PTPRO: variants seen among roughly 807,000 people sequenced by gnomAD.
PTPRO encodes the protein receptor-type tyrosine-protein phosphatase O.
PTPRO carries 62 observed loss-of-function variants against 145.2 expected under a neutral mutation model. That is an observed-to-expected ratio of 0.43 (90% confidence interval 0.35 to 0.53). The LOEUF (loss-of-function observed/expected upper bound fraction) is 0.53. PTPRO is among the 20% of genes least tolerant of loss of function. PTPRO has a pLI of 0.01. For synonymous variants in PTPRO, 565 were observed against 514.7 expected (o/e 1.10, Z -1.32); for missense variants, 1,345 against 1,482.7 (o/e 0.91, Z 1.53).
At chr12:15,401,193 T>G (rs1268853292) in intron 1 of PTPRO, among the ~76,000 whole-genome samples, 1 of 152,180 alleles carries the variant, frequency 6.6e-6, no homozygotes, top group African/African-American at 2.4e-5. Context: ...ATTCAGAGAT[T>G]TAACCAGTAG....
intron 1 of PTPRO, among the ~76,000 whole-genome samples, chr12:15,381,509 C>G (rs1337645787): frequency 6.6e-6 from 1 of 152,156 alleles, no homozygotes; most frequent in Admixed American, 6.5e-5. Context: ...AGCTATGTAT[C>G]AGTTCCTACT....
intron 12 of PTPRO, among the ~76,000 whole-genome samples, chr12:15,541,829 T>C (rs911545156): frequency 2.0e-5 from 3 of 152,224 alleles, no homozygotes; most frequent in African/African-American, 7.2e-5. Flanking sequence ...CTGGCCAACA[T>C]GGTGAAACCC....
intron 1 of PTPRO, among the ~76,000 whole-genome samples, chr12:15,366,005 A>G (rs759372916): frequency 8.5e-5 from 13 of 152,210 alleles, no homozygotes; most frequent in African/African-American, 1.4e-4. Flanking sequence ...TATCACAATT[A>G]GGTACATCAG....
At chr12:15,593,267 GT>G (rs1944590458) in intron 25 of PTPRO, among the ~76,000 whole-genome samples, 1 of 152,256 alleles carries the variant, frequency 6.6e-6, no homozygotes, top group South Asian at 2.1e-4. Context: ...TATTAATTTT[GT>G]TTTTTGTATG....
chr12:15,363,124 G>A (rs912364143), intron 1 of PTPRO, among the ~76,000 whole-genome samples: 2 of 152,110 alleles, frequency 1.3e-5, no homozygotes, highest in Admixed American at 6.6e-5. Flanking sequence ...GTCTAGGGAG[G>A]AAAATTGGCA....
At chr12:15,466,874 A>G (rs1176208114) in intron 1 of PTPRO, among the ~76,000 whole-genome samples, 1 of 152,208 alleles carries the variant, frequency 6.6e-6, no homozygotes, top group Admixed American at 6.5e-5. Context: ...ATTGAAAAAG[A>G]ATAAGGAATC....
intron 6 of PTPRO, among the ~76,000 whole-genome samples, chr12:15,506,225 C>T (rs1377257814): frequency 2.6e-5 from 4 of 152,196 alleles, no homozygotes; most frequent in African/African-American, 9.7e-5. Flanking sequence ...TAACACTTCA[C>T]GTTTATGTAG....
rs370423587 is a variant in PTPRO at position 15,360,953 on chromosome 12, TAC to T, written c.75+38160_75+38161del. On this transcript the variant is annotated intron_variant, in intron 1 of 26. Coordinates refer to ENST00000281171, the MANE Select transcript of PTPRO (RefSeq NM_030667.3). ...ACACACATATATACACACGTGTATATACACACACATATATACACACGTATATA... is the reference window on the plus strand; with the variant it reads ...ACACACATATATACACACGTGTATATACACACATATATACACACGTATATA... 1.1e-4 allele frequency among the ~76,000 whole-genome samples: 16 copies of T among 147,886 alleles called. 1 individual carries two copies. The highest frequency in any genetic ancestry group is 1.1e-3 in the Admixed American group (16 of 14,816).
intron 1 of PTPRO, among the ~76,000 whole-genome samples, chr12:15,413,263 T>G (rs1276313884): frequency 1.3e-5 from 2 of 151,932 alleles, no homozygotes; most frequent in Admixed American, 6.6e-5. Context: ...GCTAATTTTT[T>G]TGTGTGTATT....
At chr12:15,385,513 G>A (rs1230611092) in intron 1 of PTPRO, among the ~76,000 whole-genome samples, 1 of 152,044 alleles carries the variant, frequency 6.6e-6, no homozygotes. Flanking sequence ...CAGTGATAAA[G>A]AGTATAGAAG....
intron 1 of PTPRO, among the ~76,000 whole-genome samples, chr12:15,426,999 C>T (rs1940304116): frequency 6.6e-6 from 1 of 151,980 alleles, no homozygotes; most frequent in Non-Finnish European, 1.5e-5. Context: ...TTTTCAATTA[C>T]TTCTTTGACA....
chr12:15,440,362 C>A, intron 1 of PTPRO: 1 of 397,262 alleles, frequency 2.5e-6, no homozygotes, highest in Non-Finnish European at 4.6e-6. Flanking sequence ...ACACCAGAGT[C>A]TCCATGCAGA....
intron 6 of PTPRO, among the ~76,000 whole-genome samples, chr12:15,505,810 G>C (rs1268453610): frequency 6.6e-6 from 1 of 152,202 alleles, no homozygotes; most frequent in Non-Finnish European, 1.5e-5. Flanking sequence ...ATATTCTGGT[G>C]TTGAGCTGTT....
intron 2 of PTPRO, among the ~76,000 whole-genome samples, chr12:15,485,353 G>A (rs1442047821): frequency 6.6e-6 from 1 of 152,032 alleles, no homozygotes; most frequent in Non-Finnish European, 1.5e-5. Flanking sequence ...GAACTTACCT[G>A]GTAAAATACT....
intron 21 of PTPRO, 119 bp from the exon 22 acceptor site, chr12:15,580,578 G>C: frequency 2.6e-6 from 3 of 1,171,936 alleles, no homozygotes; most frequent in Non-Finnish European, 3.8e-6. Context: ...TTACATAGGT[G>C]TGTGATCCTT....
intron 15 of PTPRO, among the ~76,000 whole-genome samples, chr12:15,554,760 T>C (rs2135570532): frequency 6.6e-6 from 1 of 152,248 alleles, no homozygotes; most frequent in Admixed American, 6.5e-5. Flanking sequence ...TTAATCTCCT[T>C]TGGCAACACC....
intron 1 of PTPRO, among the ~76,000 whole-genome samples, chr12:15,380,477 A>G (rs1480129433): frequency 6.6e-6 from 1 of 152,222 alleles, no homozygotes; most frequent in Non-Finnish European, 1.5e-5. Flanking sequence ...GCACAATGAA[A>G]TAGACTCAAA....
chr12:15,587,469 G>C (rs1184665263), intron 24 of PTPRO, among the ~76,000 whole-genome samples: 1 of 151,996 alleles, frequency 6.6e-6, no homozygotes, highest in Non-Finnish European at 1.5e-5. Context: ...ATAGAAAGCT[G>C]ATCACAGCTT....
chr12:15,540,868 T>C (rs1231239305), intron 12 of PTPRO, among the ~76,000 whole-genome samples: 1 of 152,212 alleles, frequency 6.6e-6, no homozygotes, highest in African/African-American at 2.4e-5. Flanking sequence ...TTCTATGCAT[T>C]GTACTTGATT....
Sources: allele counts gnomAD v4.1 joint callset (sites outside exome capture counted in the v4.1 genomes callset), GRCh38; gene constraint gnomAD v4.1.1; transcripts MANE v1.5; gene names NCBI Gene and HGNC (gene_info 2026-07-23, HGNC 2026-07-21).